ACACB: variants seen among roughly 807,000 people sequenced by gnomAD.
ACACB encodes acetyl-CoA carboxylase 2.
Under a neutral mutation model 278.8 loss-of-function variants are expected in ACACB, and 209 were observed. That is an observed-to-expected ratio of 0.75 (90% CI 0.67 to 0.84). The LOEUF is 0.84. Among genes scored for constraint, ACACB ranks in the 40% least tolerant of loss-of-function variants. The pLI is 0.00. For missense variants in ACACB, 2,850 were observed against 3,269.0 expected (o/e 0.87, Z 3.13); for synonymous variants, 1,174 against 1,285.6 (o/e 0.91, Z 1.86).
At chr12:109,211,320 G>T (rs934354618) in intron 21 of ACACB, among the ~76,000 whole-genome samples, 3 of 148,288 alleles carry the variant, frequency 2.0e-5, no homozygotes, top group Non-Finnish European at 3.0e-5. Context: ...AGGCACAAAA[G>T]ACCACATATT....
At chr12:109,180,606 C>G (rs915002879) in intron 11 of ACACB, among the ~76,000 whole-genome samples, 3 of 151,844 alleles carry the variant, frequency 2.0e-5, no homozygotes, top group African/African-American at 7.3e-5. Flanking sequence ...TATAGTAAGT[C>G]TGTATATTTA....
rs183213170 is a variant in ACACB at position 109,222,295 on chromosome 12, G to A, written c.3565-212G>A. 9.5e-4 allele frequency among the ~76,000 whole-genome samples: 66 copies of A among 69,478 alleles called. 1 individual carries two copies. In the East Asian group the frequency reaches 0.024, roughly 26 times the overall value. 45.6% of individuals were successfully genotyped at this position (69,478 alleles called of 152,430 possible). A position where few individuals can be genotyped will look rare whatever the true frequency, so the allele number is the denominator to read the frequency against. On this transcript the variant is annotated intron_variant, in intron 24 of 52. Transcript: ENST00000338432. ...TTGTGGGGTGGATGAATGGGTGGCC[G>A]AGTGAGTGAGTGAGTGAGTGAATGA...
chr12:109,164,891 C>G (rs1301922805), intron 2 of ACACB, among the ~76,000 whole-genome samples: 1 of 151,562 alleles, frequency 6.6e-6, no homozygotes, highest in Non-Finnish European at 1.5e-5. Context: ...CCCTGAATAG[C>G]CTTTCTTAGA....
At chr12:109,264,526 A>T in intron 50 of ACACB, 140 bp downstream of exon 50, 1 of 1,116,062 alleles carries the variant, frequency 9.0e-7, no homozygotes, top group Middle Eastern at 3.0e-4. Flanking sequence ...GTCACCTGGG[A>T]ACTTTAAAAT....
chr12:109,150,934 A>ACTTTTT (rs752051295), intron 2 of ACACB, among the ~76,000 whole-genome samples: 2 of 149,222 alleles, frequency 1.3e-5, no homozygotes, highest in African/African-American at 4.9e-5. Flanking sequence ...TAAAATGTTT[A>ACTTTTT]CTTTTTCTTT....
chr12:109,214,928 T>C (rs369529867), intron 22 of ACACB, among the ~76,000 whole-genome samples: 112 of 152,240 alleles, frequency 7.4e-4, no homozygotes, highest in Middle Eastern at 6.8e-3. Context: ...TGAAACCCTG[T>C]CTACAAAATA....
At chr12:109,138,551 G>T (rs1000981449) in intron 1 of ACACB, among the ~76,000 whole-genome samples, 7 of 144,054 alleles carry the variant, frequency 4.9e-5, no homozygotes, top group Non-Finnish European at 1.1e-4. Flanking sequence ...TTATAAAGTG[G>T]AATATAATTA....
chr12:109,253,902 A>G (rs764467872), intron 43 of ACACB, among the ~76,000 whole-genome samples: 4 of 152,096 alleles, frequency 2.6e-5, no homozygotes, highest in Admixed American at 6.5e-5. Flanking sequence ...TTCTTTTAAG[A>G]TGTTTTTCCT....
intron 11 of ACACB, among the ~76,000 whole-genome samples, chr12:109,182,005 A>G (rs979305458): frequency 6.6e-6 from 1 of 151,740 alleles, no homozygotes; most frequent in Non-Finnish European, 1.5e-5. Context: ...CACGACGCCC[A>G]GCTAATTTTT....
Position 109,237,154 on chromosome 12 carries a change from T to C in ACACB, c.4447-11T>C, listed in dbSNP as rs377058473. ...GTATGTGTCTGTCTTCTCTCTCTGG[T>C]CCGCCTACAGTTTGCAGAAGATCGC... On this transcript the variant is annotated splice_polypyrimidine_tract_variant and intron_variant, in intron 33 of 52. Transcript: ENST00000338432. The C allele has an allele frequency of 1.5e-5, 24 of 1,613,848 alleles. No individual in the cohort carries two copies. In the African/African-American group the frequency reaches 2.1e-4, roughly 14 times the overall value.
chr12:109,152,895 C>T (rs951264220), intron 2 of ACACB, among the ~76,000 whole-genome samples: 10 of 152,204 alleles, frequency 6.6e-5, no homozygotes, highest in Admixed American at 2.0e-4. Flanking sequence ...CTGCCTGCCT[C>T]GGCCTCCCAA....
intron 6 of ACACB, 93 bp downstream of exon 6, chr12:109,172,449 C>A: frequency 8.3e-7 from 1 of 1,204,572 alleles, no homozygotes; most frequent in Non-Finnish European, 1.2e-6. Flanking sequence ...TCCTGTAAAG[C>A]GGAGGTCCGT....
At chr12:109,211,512 C>T (rs766627567) in intron 21 of ACACB, among the ~76,000 whole-genome samples, 17 of 152,242 alleles carry the variant, frequency 1.1e-4, no homozygotes, top group South Asian at 2.1e-4. Flanking sequence ...CTCGGCCTCC[C>T]AGAGTGCTGG....
intron 37 of ACACB, 56 bp downstream of exon 37, chr12:109,242,648 A>G: frequency 6.3e-7 from 1 of 1,583,764 alleles, no homozygotes; most frequent in South Asian, 1.1e-5. Flanking sequence ...AGACTCCACC[A>G]GAACCAAAGC....
rs758097574 is a variant in ACACB at position 109,167,879 on chromosome 12, C to T, written c.787-17C>T. On this transcript the variant is annotated splice_polypyrimidine_tract_variant and intron_variant, in intron 3 of 52. Transcript: ENST00000338432. ...GTAGATGTGCATCTACAGCTCCTTC[C>T]TTGTCTTCCCATGCAGGTGCTTATT... 1.9e-6 allele frequency: 3 copies of T among 1,613,892 alleles called. No homozygotes were observed. The highest frequency in any genetic ancestry group is 2.5e-6 in the Non-Finnish European group (3 of 1,179,944).
intron 21 of ACACB, among the ~76,000 whole-genome samples, chr12:109,210,235 A>ATATATACACACACGTGTG (rs1217482493): frequency 0.057 from 1,200 of 21,104 alleles, 235 homozygotes; most frequent in Non-Finnish European, 0.076. Context: ...GTGTATATGT[A>ATATATACACACACGTGTG]TATATGTATA....
At chr12:109,215,795 A>C (rs1041861763) in intron 22 of ACACB, among the ~76,000 whole-genome samples, 7 of 151,968 alleles carry the variant, frequency 4.6e-5, no homozygotes, top group African/African-American at 1.4e-4. Flanking sequence ...TAAATTAACT[A>C]ATTAATTAAT....
chr12:109,237,640 A>G (rs1302712374), intron 34 of ACACB, among the ~76,000 whole-genome samples: 1 of 152,132 alleles, frequency 6.6e-6, no homozygotes, highest in African/African-American at 2.4e-5. Flanking sequence ...TCCAGGATAG[A>G]AAAATACTGG....
intron 47 of ACACB, among the ~76,000 whole-genome samples, chr12:109,259,685 C>T (rs962984788): frequency 1.3e-5 from 2 of 152,188 alleles, no homozygotes; most frequent in Admixed American, 6.5e-5. Context: ...CAGGAGCTGC[C>T]GGGTGACCTG....
Sources: gnomAD v4.1 joint callset for allele counts (sites outside exome capture counted in the v4.1 genomes callset) on GRCh38, gnomAD v4.1.1 for gene constraint, MANE v1.5 for transcripts, NCBI Gene and HGNC (gene_info 2026-07-23, HGNC 2026-07-21) for gene names.